Variants in TSHR observed in about 807,000 individuals in gnomAD.
The protein encoded by TSHR is thyrotropin receptor.
A neutral mutation model predicts 64.1 loss-of-function variants in TSHR; 51 were observed. The observed-to-expected ratio is 0.80, with a 90% CI of 0.64 to 1.01. The LOEUF (loss-of-function observed/expected upper bound fraction) is 1.01. TSHR is among the 50% of genes least tolerant of loss of function. The pLI, the probability that TSHR is intolerant of heterozygous loss-of-function variation, is 0.00. For missense variants in TSHR, 877 were observed against 942.8 expected (o/e 0.93, Z 0.91); for synonymous variants, 361 against 361.9 (o/e 1.00, Z 0.03).
intron 8 of TSHR, among the ~76,000 whole-genome samples, chr14:81,112,912 A>G (rs1272885977): frequency 6.6e-6 from 1 of 152,352 alleles, no homozygotes; most frequent in Admixed American, 6.5e-5. Context: ...GGGAAAAAGT[A>G]AAAGCTGTGA....
rs1363006633 is a variant in TSHR at position 81,143,231 on chromosome 14, G to A, written c.1173G>A (p.Gly391=). The change falls in exon 10 of 10, where the codon GGG becomes GGA. Residue 391 remains glycine (G), a synonymous_variant. Transcript: ENST00000298171. The part of the protein sequence containing the change: ...FDSHYDYTIC[G]DSEDMVCTPK... ...GCCATTATGACTACACCATATGTGG[G>A]GACAGTGAAGACATGGTGTGTACCC... is the stretch of plus-strand genomic sequence containing the variant. 3 of 1,613,982 alleles carry A rather than the reference G, an allele frequency of 1.9e-6. No individual in the cohort carries two copies. The highest frequency in any genetic ancestry group is 1.3e-5 in the African/African-American group (1 of 74,870).
chr14:81,125,160 C>A (rs1890965138), intron 8 of TSHR, among the ~76,000 whole-genome samples: 1 of 152,068 alleles, frequency 6.6e-6, no homozygotes, highest in Non-Finnish European at 1.5e-5. Context: ...CTGAACATGC[C>A]ATTTCTAGTT....
At chr14:81,030,705 G>A (rs1469870041) in intron 1 of TSHR, among the ~76,000 whole-genome samples, 7 of 152,126 alleles carry the variant, frequency 4.6e-5, no homozygotes. Context: ...GATGCATTTG[G>A]ACTTCTCATC....
At chr14:81,067,927 CTATATATATA>C (rs10528934) in intron 2 of TSHR, among the ~76,000 whole-genome samples, 7 of 95,798 alleles carry the variant, frequency 7.3e-5, no homozygotes, top group East Asian at 2.8e-4. Context: ...CAGGGTGACA[CTATATATATA>C]TATATATATA....
At chr14:81,138,468 C>T (rs1020492173) in intron 8 of TSHR, among the ~76,000 whole-genome samples, 3 of 152,120 alleles carry the variant, frequency 2.0e-5, no homozygotes, top group African/African-American at 7.2e-5. Flanking sequence ...GGATTACAGG[C>T]GTGAGCTACC....
intron 3 of TSHR, among the ~76,000 whole-genome samples, chr14:81,075,011 C>A (rs902283028): frequency 1.3e-5 from 2 of 152,194 alleles, no homozygotes; most frequent in African/African-American, 4.8e-5. Context: ...CCTAAAGCTG[C>A]CTCCTTGTAA....
At chr14:81,133,330 A>G (rs919258565) in intron 8 of TSHR, among the ~76,000 whole-genome samples, 1 of 152,194 alleles carries the variant, frequency 6.6e-6, no homozygotes, top group Non-Finnish European at 1.5e-5. Context: ...CAGAATGAAG[A>G]AAAATAGAAA....
At chr14:81,045,562 G>A (rs1885133858) in intron 1 of TSHR, among the ~76,000 whole-genome samples, 1 of 152,162 alleles carries the variant, frequency 6.6e-6, no homozygotes, top group East Asian at 1.9e-4. Flanking sequence ...GCCCCCAACA[G>A]GCTCCAGTGT....
chr14:80,998,578 G>A (rs928116058), intron 1 of TSHR, among the ~76,000 whole-genome samples: 4 of 151,692 alleles, frequency 2.6e-5, no homozygotes, highest in Non-Finnish European at 2.9e-5. Context: ...TTCCAACATC[G>A]AGAAACTTGA....
intron 8 of TSHR, among the ~76,000 whole-genome samples, chr14:81,129,898 T>C (rs941432327): frequency 1.3e-5 from 2 of 152,210 alleles, no homozygotes; most frequent in African/African-American, 4.8e-5. Flanking sequence ...ATCATCTGTA[T>C]TCCCCTCCCT....
intron 1 of TSHR, among the ~76,000 whole-genome samples, chr14:81,022,001 G>A (rs917893354): frequency 6.6e-6 from 1 of 151,502 alleles, no homozygotes; most frequent in Admixed American, 6.6e-5. Context: ...GGTGGCTCAC[G>A]CCTGTAATCC....
chr14:81,140,954 T>C (rs561163893), intron 9 of TSHR, among the ~76,000 whole-genome samples: 1 of 152,254 alleles, frequency 6.6e-6, no homozygotes, highest in African/African-American at 2.4e-5. Context: ...ACCCCGTCTG[T>C]ACTAAAAATA....
chr14:81,070,269 G>A (rs369720360), intron 3 of TSHR, among the ~76,000 whole-genome samples: 15 of 152,228 alleles, frequency 9.9e-5, no homozygotes, highest in African/African-American at 1.7e-4. Context: ...GGATAAATAC[G>A]AAGAAAGCTA....
At chr14:81,043,575 G>GA (rs1178614145) in intron 1 of TSHR, among the ~76,000 whole-genome samples, 4 of 152,066 alleles carry the variant, frequency 2.6e-5, no homozygotes, top group East Asian at 1.9e-4. Flanking sequence ...CACAGAATTA[G>GA]AAAAAACTAT....
intron 3 of TSHR, among the ~76,000 whole-genome samples, chr14:81,072,933 C>A (rs187636030): frequency 0.034 from 4,052 of 120,196 alleles, 114 homozygotes; most frequent in Middle Eastern, 0.093. Flanking sequence ...GGAGGCGGAG[C>A]TTGCAGTGAG....
At chr14:81,003,791 AT>A (rs1157399404) in intron 1 of TSHR, 1 of 151,870 alleles carries the variant, frequency 6.6e-6, no homozygotes, top group African/African-American at 2.4e-5. Context: ...ATGTTTTTTC[AT>A]TTTTAATCTC....
At chr14:81,030,288 C>G (rs1000963543) in intron 1 of TSHR, among the ~76,000 whole-genome samples, 1 of 152,116 alleles carries the variant, frequency 6.6e-6, no homozygotes, top group Non-Finnish European at 1.5e-5. Flanking sequence ...TTTTTCTTGT[C>G]TCTTGGCGAA....
rs17111458 is a variant in TSHR at position 81,097,022 on chromosome 14, T to G, written c.614+315T>G. ...ATGAAGCCCAAAGCTGTTCAGAAAA[T>G]AAGGTGGTTTCTCTTTTAGTCCTTT... On this transcript the variant is annotated intron_variant, in intron 7 of 9. Coordinates refer to ENST00000298171, the MANE Select transcript of TSHR (RefSeq NM_000369.5). Among the ~76,000 whole-genome samples, 333 of 151,886 alleles carry G rather than the reference T, an allele frequency of 2.2e-3. 14 individuals are homozygous for G. The East Asian group carries it at 0.059, about 27-fold the overall frequency.
intron 1 of TSHR, among the ~76,000 whole-genome samples, chr14:81,005,508 T>C (rs1889557520): frequency 6.6e-6 from 1 of 152,210 alleles, no homozygotes; most frequent in South Asian, 2.1e-4. Context: ...TAAAGTATCA[T>C]ACTTAGTAGA....
Sources: gnomAD v4.1 joint callset for allele counts (sites outside exome capture counted in the v4.1 genomes callset) on GRCh38, gnomAD v4.1.1 for gene constraint, MANE v1.5 for transcripts, NCBI Gene and HGNC (gene_info 2026-07-23, HGNC 2026-07-21) for gene names.